PRKN: variants seen among roughly 807,000 people sequenced by gnomAD.
PRKN encodes the protein E3 ubiquitin-protein ligase parkin.
In PRKN, 56 loss-of-function variants were observed where a neutral mutation model predicts 59.5. The ratio of observed to expected loss-of-function variants is 0.94; its 90% CI spans 0.76 to 1.18. PRKN has a LOEUF of 1.18. Ranked by LOEUF, PRKN falls within the 50% of genes most tolerant of loss-of-function variation. The pLI is 0.00. For missense variants in PRKN, 657 were observed against 596.4 expected, an observed-to-expected ratio of 1.10 and a Z score of -1.06; for synonymous variants, 250 against 222.1, an observed-to-expected ratio of 1.13 and a Z score of -1.12.
intron 5 of PRKN, among the ~76,000 whole-genome samples, chr6:162,006,023 C>T (rs542904485): frequency 6.6e-6 from 1 of 152,056 alleles, no homozygotes; most frequent in African/African-American, 2.4e-5. Context: ...CTAAAAATTG[C>T]TATCTTATTT....
chr6:161,899,583 C>A (rs1583317811), intron 6 of PRKN, among the ~76,000 whole-genome samples: 1 of 152,272 alleles, frequency 6.6e-6, no homozygotes, highest in South Asian at 2.1e-4. Context: ...GGTAGCACAT[C>A]CTACCTTTAT....
intron 4 of PRKN, among the ~76,000 whole-genome samples, chr6:162,197,426 T>G (rs1451146106): frequency 6.6e-6 from 1 of 152,230 alleles, no homozygotes; most frequent in Admixed American, 6.5e-5. Flanking sequence ...ATAAGTTATC[T>G]TTGATTTAAT....
intron 1 of PRKN, among the ~76,000 whole-genome samples, chr6:162,579,610 C>T (rs1263913638): frequency 3.3e-5 from 5 of 150,652 alleles, no homozygotes; most frequent in African/African-American, 1.2e-4. Context: ...GATTCACACA[C>T]ACAGATACAC....
intron 3 of PRKN, among the ~76,000 whole-genome samples, chr6:162,254,996 G>GCACC (rs1255173399): frequency 1.3e-5 from 2 of 151,684 alleles, no homozygotes; most frequent in Non-Finnish European, 2.9e-5. Flanking sequence ...TTATCATAGA[G>GCACC]CACCCACTAT....
In PRKN at chr6:161,526,134, A is replaced by G. The variant is rs55979469; in HGVS notation, c.1083+22720T>C. 0.077 allele frequency among the ~76,000 whole-genome samples: 11,706 copies of G among 152,232 alleles called. 546 individuals carry two copies. The highest frequency in any genetic ancestry group is 0.14 in the African/African-American group (5,942 of 41,514). On this transcript the variant is annotated intron_variant, in intron 9 of 11. Transcript: ENST00000366898. The surrounding 1 kb of genome is among the most constrained non-coding windows in gnomAD (Gnocchi z 4.1). The stretch of plus-strand genomic sequence containing the variant: ...CTCTTTTCCAACCTTCCTAAAAAAA[A>G]AGGTCAGTCCCATAAATACTCTCAT...
chr6:162,201,254 T>G lies in PRKN; in HGVS notation c.413-2A>C. ...AGCTGTTGTAGATTGATCTACCTGC[T>G]GGAGAAGAAAAAGCAGAAGAAGTGG... On this transcript the variant is annotated splice_acceptor_variant, in intron 3 of 11. Coordinates refer to ENST00000366898, the MANE Select transcript of PRKN (RefSeq NM_004562.3). LOFTEE classifies it high-confidence loss of function. 1 of 1,613,728 alleles carries G rather than the reference T, an allele frequency of 6.2e-7. No homozygotes were observed. Among genetic ancestry groups the G allele is most frequent in the African/African-American group, 1.3e-5 (1 of 75,020 alleles).
chr6:162,553,556 A>AG (rs1345632859), intron 1 of PRKN, among the ~76,000 whole-genome samples: 1 of 146,850 alleles, frequency 6.8e-6, no homozygotes, highest in Non-Finnish European at 1.5e-5. Flanking sequence ...AAAAAAAAAA[A>AG]ACACCCTAAA....
intron 7 of PRKN, among the ~76,000 whole-genome samples, chr6:161,772,434 C>T (rs1401783552): frequency 1.3e-5 from 2 of 152,148 alleles, no homozygotes; most frequent in South Asian, 2.1e-4. Flanking sequence ...AAGTCAGCTT[C>T]GTTTAGGTGA....
At chr6:161,657,315 T>A (rs1466196226) in intron 7 of PRKN, among the ~76,000 whole-genome samples, 2 of 152,218 alleles carry the variant, frequency 1.3e-5, no homozygotes, top group African/African-American at 4.8e-5. Context: ...GCTGGCTTCC[T>A]ATTAGGCCCT....
intron 9 of PRKN, among the ~76,000 whole-genome samples, chr6:161,449,510 T>C (rs1789632349): frequency 6.6e-6 from 1 of 152,224 alleles, no homozygotes; most frequent in Non-Finnish European, 1.5e-5. Flanking sequence ...TGTCTCCCAG[T>C]GTTTGACAAA....
At chr6:162,021,196 A>AT (rs1554261934) in intron 5 of PRKN, among the ~76,000 whole-genome samples, 1 of 114,170 alleles carries the variant, frequency 8.8e-6, no homozygotes, top group East Asian at 2.2e-4. Context: ...TTATATATAT[A>AT]ATATATATAA....
intron 7 of PRKN, among the ~76,000 whole-genome samples, chr6:161,777,882 A>ATGTATATATATGTATACATATATATG (rs1790022270): frequency 1.5e-5 from 2 of 134,948 alleles, no homozygotes; most frequent in Non-Finnish European, 1.6e-5. Flanking sequence ...ATACGTATAT[A>ATGTATATATATGTATACATATATATG]TGTATATATA....
In PRKN at chr6:161,821,170, C is replaced by T. The variant is rs149650713; in HGVS notation, c.735-35262G>A. On this transcript the variant is annotated intron_variant, in intron 6 of 11. Transcript: ENST00000366898. Reference sequence around the variant, plus strand: ...ATATAAAGCAAAAAGTAAAATCCCCCAATTACCAAAAACCCCCAAACATAC... The same window carrying T: ...ATATAAAGCAAAAAGTAAAATCCCCTAATTACCAAAAACCCCCAAACATAC... Among the ~76,000 whole-genome samples, 464 of 151,996 alleles carry T rather than the reference C, an allele frequency of 3.1e-3. 2 individuals carry two copies. The highest frequency in any genetic ancestry group is 0.011 in the African/African-American group (440 of 41,462).
chr6:162,440,231 G>A (rs986425303), intron 2 of PRKN, among the ~76,000 whole-genome samples: 1 of 152,044 alleles, frequency 6.6e-6, no homozygotes, highest in Non-Finnish European at 1.5e-5. Context: ...TCTCTAAGTG[G>A]CCTGTGGATA....
chr6:161,988,282 T>C (rs986430446), intron 5 of PRKN, among the ~76,000 whole-genome samples: 4 of 152,090 alleles, frequency 2.6e-5, no homozygotes, highest in African/African-American at 4.8e-5. Context: ...AGATCAGGAA[T>C]TTGAGACCAG....
rs140424118 is a variant in PRKN, at chr6:162,340,354, T to C, written c.172-77589A>G. On this transcript the variant is annotated intron_variant, in intron 2 of 11. Coordinates refer to ENST00000366898, the MANE Select transcript of PRKN (RefSeq NM_004562.3). Reference sequence around the variant, plus strand: ...AAGTTTAATTCATTGTTCTGAAAATTGGATGAAAAAAGTGAACTTCTTAAA... The same window carrying C: ...AAGTTTAATTCATTGTTCTGAAAATCGGATGAAAAAAGTGAACTTCTTAAA... Among the ~76,000 whole-genome samples, 450 of 152,226 alleles carry C rather than the reference T, an allele frequency of 3.0e-3. 2 individuals carry two copies. Among genetic ancestry groups the C allele is most frequent in the African/African-American group, 0.01 (424 of 41,542 alleles).
chr6:162,285,489 A>G (rs1781146442), intron 2 of PRKN, among the ~76,000 whole-genome samples: 1 of 152,094 alleles, frequency 6.6e-6, no homozygotes, highest in African/African-American at 2.4e-5. Context: ...TTCTGCATTG[A>G]AAATAAGGGG....
intron 6 of PRKN, among the ~76,000 whole-genome samples, chr6:161,854,394 G>A (rs1048828249): frequency 2.6e-5 from 4 of 152,064 alleles, no homozygotes; most frequent in African/African-American, 9.7e-5. Context: ...ATGTTAGGCA[G>A]GAAGAATCAG....
intron 4 of PRKN, among the ~76,000 whole-genome samples, chr6:162,166,899 C>T (rs1272427550): frequency 6.6e-6 from 1 of 152,160 alleles, no homozygotes; most frequent in Admixed American, 6.6e-5. Context: ...CAACTACCCA[C>T]TCTTTGTCAG....
Sources: allele counts gnomAD v4.1 joint callset (sites outside exome capture counted in the v4.1 genomes callset), GRCh38; gene constraint gnomAD v4.1.1; non-coding constraint Gnocchi (gnomAD v3.1); transcripts MANE v1.5; gene names NCBI Gene and HGNC (gene_info 2026-07-23, HGNC 2026-07-21).